CNTN5: variants seen among roughly 807,000 people sequenced by gnomAD.
CNTN5 encodes contactin-5.
CNTN5 carries 77 observed loss-of-function variants against 129.1 expected under a neutral mutation model. The observed-to-expected ratio is 0.60, with a 90% confidence interval of 0.50 to 0.72. The LOEUF (loss-of-function observed/expected upper bound fraction) is 0.72. CNTN5 is among the 30% of genes least tolerant of loss of function. CNTN5 has a pLI of 0.00. For missense variants in CNTN5, 1,478 were observed against 1,328.8 expected (o/e 1.11, Z -1.75); for synonymous variants, 509 against 465.6 (o/e 1.09, Z -1.20).
At chr11:99,897,495 T>A (rs1949237737) in intron 6 of CNTN5, among the ~76,000 whole-genome samples, 1 of 151,390 alleles carries the variant, frequency 6.6e-6, no homozygotes, top group East Asian at 1.9e-4. Context: ...GTTGTATTTT[T>A]AGCCTCCTTT....
At chr11:100,277,646 C>A (rs913356187) in intron 18 of CNTN5, among the ~76,000 whole-genome samples, 1 of 152,024 alleles carries the variant, frequency 6.6e-6, no homozygotes, top group Non-Finnish European at 1.5e-5. Context: ...AAATCTTTTG[C>A]CCATTTTATG....
chr11:100,086,021 C>T (rs1031187344), intron 13 of CNTN5, among the ~76,000 whole-genome samples: 1 of 151,816 alleles, frequency 6.6e-6, no homozygotes, highest in Non-Finnish European at 1.5e-5. Context: ...AAAGTAAATA[C>T]TAATATTTGT....
intron 2 of CNTN5, among the ~76,000 whole-genome samples, chr11:99,377,399 C>T (rs1016440077): frequency 1.3e-5 from 2 of 151,954 alleles, no homozygotes; most frequent in Non-Finnish European, 2.9e-5. Flanking sequence ...GAGAATGCTG[C>T]TGCTGTTTTG....
intron 13 of CNTN5, among the ~76,000 whole-genome samples, chr11:100,178,822 A>G (rs879601901): frequency 6.6e-6 from 1 of 152,180 alleles, no homozygotes; most frequent in Non-Finnish European, 1.5e-5. Context: ...GTCAGCACGG[A>G]TGCTTAAATG....
chr11:99,790,455 G>C (rs931553610), intron 3 of CNTN5, among the ~76,000 whole-genome samples: 3 of 150,724 alleles, frequency 2.0e-5, no homozygotes, highest in Non-Finnish European at 4.4e-5. Flanking sequence ...AGTTGGCTTA[G>C]GATAATGGCC....
At chr11:99,357,702 T>C (rs921144094) in intron 2 of CNTN5, among the ~76,000 whole-genome samples, 1 of 152,276 alleles carries the variant, frequency 6.6e-6, no homozygotes, top group Non-Finnish European at 1.5e-5. Context: ...ACAAGTGTTA[T>C]AATAAATTTA....
At chr11:99,244,675 A>G (rs1040884902) in intron 1 of CNTN5, among the ~76,000 whole-genome samples, 1 of 152,188 alleles carries the variant, frequency 6.6e-6, no homozygotes, top group Non-Finnish European at 1.5e-5. Flanking sequence ...AGGTTTTAAA[A>G]TGCCTGCTAC....
chr11:99,802,724 C>T (rs1946152261), intron 3 of CNTN5, among the ~76,000 whole-genome samples: 1 of 152,112 alleles, frequency 6.6e-6, no homozygotes. Context: ...CTGTGAATGC[C>T]TGGAGACCTA....
At chr11:99,683,495 T>A (rs556096054) in intron 3 of CNTN5, among the ~76,000 whole-genome samples, 1 of 152,076 alleles carries the variant, frequency 6.6e-6, no homozygotes, top group African/African-American at 2.4e-5. Flanking sequence ...ATTGGTTTAT[T>A]TGTATATCGT....
In CNTN5 at chr11:100,139,565, A is replaced by G. The variant is rs910758544; in HGVS notation, c.1581-51561A>G. On this transcript the variant is annotated intron_variant, in intron 13 of 24. Transcript: ENST00000524871. ...CAAAAGTCTCATTAGGGCAGTTTCA[A>G]GAAATCATAGGATAATGGCCAGGTG... 3.9e-5 allele frequency among the ~76,000 whole-genome samples: 6 copies of G among 152,132 alleles called. No homozygotes were observed. In the South Asian group the frequency reaches 6.2e-4, roughly 16 times the overall value.
intron 1 of CNTN5, among the ~76,000 whole-genome samples, chr11:99,065,044 T>G (rs1565288271): frequency 6.6e-6 from 1 of 152,212 alleles, no homozygotes; most frequent in East Asian, 1.9e-4. Context: ...TTTAAAAAAG[T>G]TTGCTTTTTA....
intron 18 of CNTN5, among the ~76,000 whole-genome samples, chr11:100,276,527 CAAAAAAAAA>C (rs56774234): frequency 4.3e-5 from 3 of 70,088 alleles, no homozygotes; most frequent in East Asian, 4.4e-4. Context: ...GAGACTCTCT[CAAAAAAAAA>C]AAAAAAAAAA....
intron 6 of CNTN5, among the ~76,000 whole-genome samples, chr11:99,862,918 G>T (rs1280831927): frequency 6.6e-6 from 1 of 152,120 alleles, no homozygotes; most frequent in Non-Finnish European, 1.5e-5. Flanking sequence ...ATTGTGAGAA[G>T]TCGATCTGGG....
chr11:99,618,807 C>T (rs1027187616), intron 3 of CNTN5, among the ~76,000 whole-genome samples: 10 of 152,026 alleles, frequency 6.6e-5, no homozygotes, highest in Non-Finnish European at 1.2e-4. Context: ...GCATTGCATG[C>T]CTGTACCAAA....
At chr11:100,354,932 T>A (rs1301255773) in intron 24 of CNTN5, among the ~76,000 whole-genome samples, 1 of 151,714 alleles carries the variant, frequency 6.6e-6, no homozygotes, top group African/African-American at 2.4e-5. Flanking sequence ...GGCTGGAAGT[T>A]CTGGGTGAGT....
chr11:99,429,422 C>G (rs1179579654), intron 2 of CNTN5, among the ~76,000 whole-genome samples: 3 of 152,042 alleles, frequency 2.0e-5, no homozygotes, highest in Non-Finnish European at 2.9e-5. Flanking sequence ...CTTCATTACC[C>G]TAGGCAATTG....
At chr11:99,205,479 C>A (rs1333454059) in intron 1 of CNTN5, among the ~76,000 whole-genome samples, 3 of 152,080 alleles carry the variant, frequency 2.0e-5, no homozygotes, top group Non-Finnish European at 4.4e-5. Flanking sequence ...GTTTTCTCTT[C>A]TGTTTTACTG....
At chr11:99,045,737 T>C (rs1242454802) in intron 1 of CNTN5, among the ~76,000 whole-genome samples, 1 of 152,188 alleles carries the variant, frequency 6.6e-6, no homozygotes, top group East Asian at 1.9e-4. Flanking sequence ...GATTGACTAA[T>C]GTAAAGGAAG....
chr11:100,110,917 C>T (rs575537999), intron 13 of CNTN5, among the ~76,000 whole-genome samples: 1 of 152,028 alleles, frequency 6.6e-6, no homozygotes, highest in Admixed American at 6.5e-5. Context: ...TGCATATACT[C>T]CTGATAGTGC....
Sources: gnomAD v4.1 joint callset for allele counts (sites outside exome capture counted in the v4.1 genomes callset) on GRCh38, gnomAD v4.1.1 for gene constraint, MANE v1.5 for transcripts, NCBI Gene and HGNC (gene_info 2026-07-23, HGNC 2026-07-21) for gene names.